EGFLAM: variants seen among roughly 807,000 people sequenced by gnomAD.
EGFLAM encodes the protein pikachurin.
In EGFLAM, 79 loss-of-function variants were observed where a neutral mutation model predicts 113.1. That is an observed-to-expected ratio of 0.70 (90% CI 0.58 to 0.84). The LOEUF (loss-of-function observed/expected upper bound fraction) is 0.84. Among genes scored for constraint, EGFLAM ranks in the 40% least tolerant of loss-of-function variants. The pLI is 0.00. For synonymous variants in EGFLAM, 504 were observed against 487.6 expected (o/e 1.03, Z -0.44); for missense variants, 1,265 against 1,291.6 (o/e 0.98, Z 0.32).
chr5:38,298,455 C>T (rs942845661), intron 1 of EGFLAM, among the ~76,000 whole-genome samples: 1 of 152,178 alleles, frequency 6.6e-6, no homozygotes, highest in Admixed American at 6.5e-5. Context: ...CACACTTCCA[C>T]AAGCCCCAAT....
intron 1 of EGFLAM, among the ~76,000 whole-genome samples, chr5:38,287,007 G>C (rs1171705141): frequency 6.6e-6 from 1 of 152,194 alleles, no homozygotes; most frequent in African/African-American, 2.4e-5. Context: ...GGGCCTATGA[G>C]GGCAATGATA....
At chr5:38,310,329 A>G (rs1338783288) in intron 1 of EGFLAM, among the ~76,000 whole-genome samples, 1 of 152,140 alleles carries the variant, frequency 6.6e-6, no homozygotes, top group Non-Finnish European at 1.5e-5. Context: ...CTCACTTACT[A>G]TCTGTACACT....
Position 38,418,210 on chromosome 5 carries a change from A to G in EGFLAM, c.1639A>G (p.Met547Val). The change falls in exon 12 of 22, where the codon ATG (methionine) becomes GTG (valine). Residue 547 changes from methionine (M) to valine (V), a missense_variant. Coordinates refer to ENST00000322350, the MANE Select transcript of EGFLAM (RefSeq NM_152403.4). ...SLAVNGRRID[M>V]RPWPLGKALS... Reference sequence around the variant, plus strand: ...CGCTGTGAATGGGAGGAGAATTGACATGAGGCCCTGGCCCCTGGGAAAAGC... The same window carrying G: ...CGCTGTGAATGGGAGGAGAATTGACGTGAGGCCCTGGCCCCTGGGAAAAGC... 1 of 1,614,100 alleles carries G rather than the reference A, an allele frequency of 6.2e-7. No homozygotes were observed.
chr5:38,304,044 G>C (rs918739186), intron 1 of EGFLAM, among the ~76,000 whole-genome samples: 1 of 151,734 alleles, frequency 6.6e-6, no homozygotes, highest in Admixed American at 6.6e-5. Flanking sequence ...CAGGAGAATC[G>C]CTTGAACCTG....
chr5:38,384,538 C>T (rs1721361545), intron 6 of EGFLAM, among the ~76,000 whole-genome samples: 1 of 152,158 alleles, frequency 6.6e-6, no homozygotes, highest in Non-Finnish European at 1.5e-5. Context: ...ACTGGGATGC[C>T]TTTGCCTTTC....
intron 4 of EGFLAM, 53 bp from the exon 5 acceptor site, chr5:38,352,143 T>G: frequency 6.2e-7 from 1 of 1,611,330 alleles, no homozygotes; most frequent in Non-Finnish European, 8.5e-7. Flanking sequence ...ATTAAACCTC[T>G]CCAACGGCTG....
chr5:38,305,577 T>C (rs911773588), intron 1 of EGFLAM: 15 of 356,354 alleles, frequency 4.2e-5, no homozygotes, highest in Non-Finnish European at 8.0e-5. Flanking sequence ...GAATGACAAA[T>C]ATTTACTAGA....
intron 5 of EGFLAM, among the ~76,000 whole-genome samples, chr5:38,361,424 C>T (rs1256824340): frequency 6.6e-6 from 1 of 152,196 alleles, no homozygotes; most frequent in East Asian, 1.9e-4. Flanking sequence ...CTACCTTGCT[C>T]CTTTGTGTGG....
intron 6 of EGFLAM, among the ~76,000 whole-genome samples, chr5:38,389,178 C>A (rs980126421): frequency 6.6e-6 from 1 of 152,028 alleles, no homozygotes; most frequent in Non-Finnish European, 1.5e-5. Flanking sequence ...CAGGGATGAT[C>A]GAACTTGACA....
intron 3 of EGFLAM, among the ~76,000 whole-genome samples, chr5:38,347,960 A>G (rs1390044050): frequency 6.6e-6 from 1 of 152,028 alleles, no homozygotes; most frequent in African/African-American, 2.4e-5. Context: ...AAGAGGTGGA[A>G]TCTGCTGCAT....
chr5:38,301,945 CAGG>C (rs1369728059), intron 1 of EGFLAM, among the ~76,000 whole-genome samples: 3 of 152,052 alleles, frequency 2.0e-5, no homozygotes, highest in South Asian at 2.1e-4. Flanking sequence ...AATCTTGTGA[CAGG>C]AGGAGATCAG....
At chr5:38,319,825 C>G (rs1301860246) in intron 1 of EGFLAM, among the ~76,000 whole-genome samples, 1 of 152,254 alleles carries the variant, frequency 6.6e-6, no homozygotes, top group African/African-American at 2.4e-5. Flanking sequence ...GAAAGGGACT[C>G]ACAGTGGGGC....
Position 38,326,987 on chromosome 5 carries a change from G to A in EGFLAM, c.98-10533G>A, listed in dbSNP as rs575222984. ...CTAATTTTGTATTTTTAGTAGAGAC[G>A]GGGTTTTACCATGTTGGCCAGGCTG... On this transcript the variant is annotated intron_variant, in intron 1 of 21. Transcript: ENST00000322350. 1.6e-4 allele frequency among the ~76,000 whole-genome samples: 24 copies of A among 151,610 alleles called. 1 individual carries two copies. The South Asian group carries it at 5.0e-3, about 32-fold the overall frequency.
At chr5:38,374,706 G>A (rs982101714) in intron 6 of EGFLAM, among the ~76,000 whole-genome samples, 1 of 152,194 alleles carries the variant, frequency 6.6e-6, no homozygotes, top group Non-Finnish European at 1.5e-5. Context: ...AGGCTGACTG[G>A]TCCCCAGTCA....
At chr5:38,445,849 A>G in intron 17 of EGFLAM, 1 of 888,132 alleles carries the variant, frequency 1.1e-6, no homozygotes, top group South Asian at 1.4e-5. Context: ...CAGCCAGAGG[A>G]CACTTCTCTC....
intron 18 of EGFLAM, among the ~76,000 whole-genome samples, chr5:38,451,001 A>G (rs1273894623): frequency 1.3e-5 from 2 of 152,222 alleles, no homozygotes; most frequent in East Asian, 1.9e-4. Flanking sequence ...CCTGAGTAGT[A>G]AAACAGGAAA....
At chr5:38,429,846 C>A (rs1486881826) in intron 14 of EGFLAM, 2 of 152,632 alleles carry the variant, frequency 1.3e-5, no homozygotes, top group Admixed American at 1.3e-4. Context: ...GTCCATCCAT[C>A]CTTCTTAATT....
chr5:38,278,342 T>G (rs1757934327), intron 1 of EGFLAM, among the ~76,000 whole-genome samples: 1 of 152,142 alleles, frequency 6.6e-6, no homozygotes, highest in African/African-American at 2.4e-5. Context: ...GACATCCACA[T>G]GCAGAAGAAT....
Position 38,427,096 on chromosome 5 carries a change from C to G in EGFLAM, c.1898C>G (p.Ser633Cys), listed in dbSNP as rs1742036508. ...CCACTGGAGCCCCAGCATTACCTTT[C>G]CTTCATGGAATTTGAGATCACATTT... ...PWPLEPQHYL[S>C]FMEFEITFRP... The change falls in exon 14 of 22, where the codon TCC becomes TGC. Residue 633 changes from serine to cysteine, a missense_variant. Coordinates refer to ENST00000322350, the MANE Select transcript of EGFLAM (RefSeq NM_152403.4). 1.2e-6 allele frequency: 2 copies of G among 1,614,118 alleles called. No individual in the cohort carries two copies. The highest frequency in any genetic ancestry group is 1.7e-6 in the Non-Finnish European group (2 of 1,180,026).
Sources: gnomAD v4.1 joint callset for allele counts (sites outside exome capture counted in the v4.1 genomes callset) on GRCh38, gnomAD v4.1.1 for gene constraint, MANE v1.5 for transcripts, NCBI Gene and HGNC (gene_info 2026-07-23, HGNC 2026-07-21) for gene names.